Variants in ZNF19 observed in about 807,000 individuals in gnomAD.
ZNF19 encodes zinc finger protein 19, also known as zinc finger protein 19 (KOX 12).
Under a neutral mutation model 13.1 loss-of-function variants are expected in ZNF19, and 11 were observed. That is an observed-to-expected ratio of 0.84 (90% CI 0.53 to 1.39). ZNF19 has a LOEUF of 1.39. ZNF19 is among the 40% of genes most tolerant of loss of function. The pLI is 0.00. For missense variants in ZNF19, 560 were observed against 547.0 expected, an observed-to-expected ratio of 1.02 and a Z score of -0.24; for synonymous variants, 186 against 187.0, an observed-to-expected ratio of 0.99 and a Z score of 0.04.
At position 71,489,132 on chromosome 16, in the gene ZNF19, G is replaced by C. The variant is rs572148664; in HGVS notation, c.-190+140C>G. 7 of 559,678 alleles carry C rather than the reference G, an allele frequency of 1.3e-5. No homozygotes were observed. In the South Asian group the frequency reaches 3.1e-4, roughly 25 times the overall value. 34.7% of individuals were successfully genotyped at this position (559,678 alleles called of 1,614,324 possible). A position where few individuals can be genotyped will look rare whatever the true frequency, so the allele number is the denominator to read the frequency against. On this transcript the variant is annotated intron_variant, in intron 1 of 5. Transcript: ENST00000288177. ...CAGCCTCCAAGAGCAAACAGCCCAG[G>C]TCCCACCCGGCCACAATTGTATAGT...
intron 4 of ZNF19, 80 bp downstream of exon 4, chr16:71,478,799 C>T (rs1240840921): frequency 1.3e-6 from 2 of 1,556,068 alleles, no homozygotes; most frequent in East Asian, 2.3e-5. Context: ...CTCCACTCCA[C>T]ACTCCTCCCC....
rs537809051 is a variant in ZNF19, at chr16:71,474,980, G to T, written c.*190C>A. ...TAAAACCAATGGGGGTGGGCGGGGG[G>T]AGAGTATTTGTTCCTATTAGCTCTT... On this transcript the variant is annotated 3_prime_UTR_variant, in exon 6 of 6. Coordinates refer to ENST00000288177, the MANE Select transcript of ZNF19 (RefSeq NM_006961.4). 7.5e-6 allele frequency: 5 copies of T among 667,908 alleles called. No homozygotes were observed. In the East Asian group the frequency reaches 8.4e-5, roughly 11 times the overall value. 41.4% of individuals were successfully genotyped at this position (667,908 alleles called of 1,614,324 possible).
intron 5 of ZNF19, among the ~76,000 whole-genome samples, chr16:71,476,625 C>T (rs2043604559): frequency 6.6e-6 from 1 of 152,180 alleles, no homozygotes; most frequent in Non-Finnish European, 1.5e-5. Flanking sequence ...GTAGTGACAT[C>T]GGGGCTGGCA....
chr16:71,481,833 C>G (rs1252607274), intron 3 of ZNF19, among the ~76,000 whole-genome samples: 1 of 152,170 alleles, frequency 6.6e-6, no homozygotes, highest in East Asian at 1.9e-4. Context: ...AGCTACTGAA[C>G]CTGGGGATCC....
rs147578256 is a variant in ZNF19 at position 71,476,073 on chromosome 16, C to G, written c.474G>C (p.Arg158Ser). 6.2e-7 allele frequency: 1 copy of G among 1,614,168 alleles called. No homozygotes were observed. Among genetic ancestry groups the G allele is most frequent in the East Asian group, 2.2e-5 (1 of 44,886 alleles). ...QGKVPRIPCA[R>S]KPFICEECGK... ...CACACTCCTCACATATGAAAGGTTT[C>G]CTTGCACAGGGGATTCTTGGAACCT... is the stretch of plus-strand genomic sequence containing the variant. Residue 158 changes from arginine to serine, a missense_variant, in exon 6 of 6, where the codon AGG (arginine) becomes AGC (serine). Transcript: ENST00000288177.
chr16:71,485,158 C>A (rs554409895), intron 1 of ZNF19, among the ~76,000 whole-genome samples: 1 of 152,046 alleles, frequency 6.6e-6, no homozygotes, highest in Non-Finnish European at 1.5e-5. Flanking sequence ...TAAGAAAGAC[C>A]AGGTCAGCAG....
In ZNF19 at chr16:71,475,540, T is replaced by C; in HGVS notation, c.1007A>G (p.Gln336Arg). Residue 336 changes from glutamine (Q) to arginine (R), a missense_variant, in exon 6 of 6, where the codon CAA (glutamine) becomes CGA (arginine). Physicochemically the swap from Gln to Arg is conservative, Grantham distance 43. Transcript: ENST00000288177. ...EKPYSCKVCG[Q>R]AFNFHTKLTR... ...TAGTTTTGTATGAAAATTGAAGGCT[T>C]GTCCACATACTTTACAAGAATAAGG... 6.2e-7 allele frequency: 1 copy of C among 1,614,150 alleles called. No homozygotes were observed. Among genetic ancestry groups the C allele is most frequent in the Non-Finnish European group, 8.5e-7 (1 of 1,180,034 alleles).
Position 71,475,714 on chromosome 16 carries a change from C to T in ZNF19, c.833G>A (p.Cys278Tyr). 1 of 1,612,528 alleles carries T rather than the reference C, an allele frequency of 6.2e-7. No homozygotes were observed. The highest frequency in any genetic ancestry group is 8.5e-7 in the Non-Finnish European group (1 of 1,178,768). Residue 278 changes from cysteine (C) to tyrosine (Y), a missense_variant, in exon 6 of 6, where the codon TGT becomes TAT. By Grantham distance (194) the Cys-to-Tyr change is radical. Coordinates refer to ENST00000288177, the MANE Select transcript of ZNF19 (RefSeq NM_006961.4). ...TGAATTACCAACAAAAGCTTTGCCACACTCATTACACTCATAGGGTTTCTC... is the reference window on the plus strand; with the variant it reads ...TGAATTACCAACAAAAGCTTTGCCATACTCATTACACTCATAGGGTTTCTC... The part of the protein sequence containing the change: ...TGEKPYECNE[C>Y]GKAFVGNSPL...
chr16:71,479,168 C>A (rs796289417), intron 3 of ZNF19, 163 bp from the exon 4 acceptor site: 1 of 875,748 alleles, frequency 1.1e-6, no homozygotes, highest in Admixed American at 2.5e-5. Context: ...ACTATTTTTA[C>A]AACGAAAAAT....
intron 3 of ZNF19, 100 bp downstream of exon 3, chr16:71,481,982 C>A: frequency 1.5e-6 from 2 of 1,333,642 alleles, no homozygotes; most frequent in South Asian, 1.2e-5. Context: ...AGGGGTTTTC[C>A]TACTGCTTTG....
At chr16:71,477,030 G>C (rs2043607052) in intron 5 of ZNF19, among the ~76,000 whole-genome samples, 1 of 152,156 alleles carries the variant, frequency 6.6e-6, no homozygotes. Context: ...GCAAAAAGGA[G>C]ACAAACAGCC....
chr16:71,479,105 G>A, intron 3 of ZNF19, 100 bp from the exon 4 acceptor site: 1 of 1,524,770 alleles, frequency 6.6e-7, no homozygotes, highest in Non-Finnish European at 9.1e-7. Flanking sequence ...AAAGTCCTGT[G>A]AGGGATAGGT....
chr16:71,479,066 G>T (rs746969617), intron 3 of ZNF19, 61 bp from the exon 4 acceptor site: 5 of 1,613,186 alleles, frequency 3.1e-6, no homozygotes, highest in Non-Finnish European at 4.2e-6. Context: ...CAGAGTGTGG[G>T]GCAGAGGGGA....
intron 5 of ZNF19, 75 bp downstream of exon 5, chr16:71,478,153 C>A (rs2043613903): frequency 1.0e-6 from 1 of 970,882 alleles, no homozygotes. Context: ...TTAAATCCTG[C>A]CCAGCATGAT....
At chr16:71,478,159 A>G (rs548934932) in intron 5 of ZNF19, 69 bp downstream of exon 5, 2 of 1,021,066 alleles carry the variant, frequency 2.0e-6, no homozygotes, top group African/African-American at 3.2e-5. Flanking sequence ...CCTGCCCAGC[A>G]TGATTCATTT....
At position 71,474,969 on chromosome 16, in the gene ZNF19, G is replaced by T. The variant is rs112325459; in HGVS notation, c.*201C>A. On this transcript the variant is annotated 3_prime_UTR_variant, in exon 6 of 6. Coordinates refer to ENST00000288177, the MANE Select transcript of ZNF19 (RefSeq NM_006961.4). Reference sequence around the variant, plus strand: ...CTTCTCAGCATTAAAACCAATGGGGGTGGGCGGGGGGAGAGTATTTGTTCC... The same window carrying T: ...CTTCTCAGCATTAAAACCAATGGGGTTGGGCGGGGGGAGAGTATTTGTTCC... 1.6e-6 allele frequency: 1 copy of T among 630,490 alleles called. No homozygotes were observed. The highest frequency in any genetic ancestry group is 1.8e-5 in the African/African-American group (1 of 54,338). The allele number at this position is 630,490 out of a possible 1,614,324, so 39.1% of individuals were successfully genotyped here. A position where few individuals can be genotyped will look rare whatever the true frequency, so the allele number is the denominator to read the frequency against.
chr16:71,475,667 T>C lies in ZNF19; in HGVS notation c.880A>G (p.Ile294Val), dbSNP rs1480964156. 2 of 1,612,606 alleles carry C rather than the reference T, an allele frequency of 1.2e-6. No individual in the cohort carries two copies. Among genetic ancestry groups the C allele is most frequent in the African/African-American group, 2.7e-5 (2 of 74,856 alleles). The stretch of plus-strand genomic sequence containing the variant: ...TCATAGGGTTTCTCTCCAGTGTGGA[T>C]TTTCTGATGCCGAAGTAGGGGTGAA... ...GNSPLLRHQK[I>V]HTGEKPYECN... The change falls in exon 6 of 6, where the codon ATC becomes GTC. Residue 294 changes from isoleucine to valine, a missense_variant. By Grantham distance (29) the Ile-to-Val change is conservative (BLOSUM62 3). Coordinates refer to ENST00000288177, the MANE Select transcript of ZNF19 (RefSeq NM_006961.4).
chr16:71,475,188 A>G lies in ZNF19; in HGVS notation c.1359T>C (p.Phe453=). The G allele has an allele frequency of 6.2e-7, 1 of 1,603,170 alleles. No individual in the cohort carries two copies. Residue 453 remains phenylalanine (F), a synonymous_variant, in exon 6 of 6, where the codon TTT becomes TTC. Transcript: ENST00000288177. ...TGTACTATTACCAGTAAAAGGGGGT[A>G]AAAAATTCTGGGAGGCCAAAACGAC... ...DICRFGLPEF[F]TPFYW is the part of the protein sequence containing the mutation.
In ZNF19 at chr16:71,475,461, A is replaced by G. The variant is rs774793747; in HGVS notation, c.1086T>C (p.Cys362=). 129 of 1,612,368 alleles carry G rather than the reference A, an allele frequency of 8.0e-5. No individual in the cohort carries two copies. The highest frequency in any genetic ancestry group is 9.2e-5 in the Non-Finnish European group (108 of 1,179,460). ...GTTCCTGAGCACTGAAGGCTTTTCC[A>G]CAATCTACACAGTCAAAGGGTTTCT... is the stretch of plus-strand genomic sequence containing the variant. The part of the protein sequence containing the change: ...SEEKPFDCVD[C]GKAFSAQEQL... The change falls in exon 6 of 6, where the codon TGT becomes TGC. Residue 362 remains cysteine, a synonymous_variant. Coordinates refer to ENST00000288177, the MANE Select transcript of ZNF19 (RefSeq NM_006961.4).
Sources: allele counts gnomAD v4.1 joint callset (sites outside exome capture counted in the v4.1 genomes callset), GRCh38; gene constraint gnomAD v4.1.1; transcripts MANE v1.5; gene names NCBI Gene and HGNC (gene_info 2026-07-23, HGNC 2026-07-21).